Variants in KIAA0586 observed in about 807,000 individuals in gnomAD.
KIAA0586 encodes KIAA0586, also known as protein TALPID3.
A neutral mutation model predicts 169.8 loss-of-function variants in KIAA0586; 144 were observed. The ratio of observed to expected loss-of-function variants is 0.85; its 90% CI spans 0.74 to 0.97. The LOEUF (loss-of-function observed/expected upper bound fraction) is 0.97, where lower values mean the gene tolerates loss of function less well. KIAA0586 is among the 50% of genes least tolerant of loss of function. The pLI, the probability that KIAA0586 is intolerant of heterozygous loss-of-function variation, is 0.00. For synonymous variants in KIAA0586, 625 were observed against 612.4 expected, an observed-to-expected ratio of 1.02 and a Z score of -0.30; for missense variants, 1,854 against 1,823.0, an observed-to-expected ratio of 1.02 and a Z score of -0.31.
At chr14:58,537,710 TG>T (rs2046384172) in intron 29 of KIAA0586, among the ~76,000 whole-genome samples, 1 of 151,998 alleles carries the variant, frequency 6.6e-6, no homozygotes, top group Non-Finnish European at 1.5e-5. Context: ...TGCAGTGGCG[TG>T]ATCTTGGCTC....
intron 14 of KIAA0586, among the ~76,000 whole-genome samples, chr14:58,465,393 A>C (rs1222153245): frequency 6.6e-6 from 1 of 152,234 alleles, no homozygotes; most frequent in Non-Finnish European, 1.5e-5. Context: ...AAAGAATTCA[A>C]ACATTGTTGG....
At chr14:58,484,888 ATT>A (rs1201064638) in intron 21 of KIAA0586, among the ~76,000 whole-genome samples, 19 of 18,472 alleles carry the variant, frequency 1.0e-3, no homozygotes, top group African/African-American at 3.9e-3. Context: ...TTATATATAT[ATT>A]TATATATATA....
chr14:58,543,142 A>AG (rs1162333299), intron 30 of KIAA0586, among the ~76,000 whole-genome samples: 2 of 151,372 alleles, frequency 1.3e-5, no homozygotes, highest in Non-Finnish European at 2.9e-5. Context: ...AAAAAAAAAA[A>AG]AAAAAGAAAA....
In KIAA0586 at chr14:58,428,116, A is replaced by G. The variant is rs182066982; in HGVS notation, c.-149A>G. ...TATAGTCAGCTCTAATCCTGGATTC[A>G]ATATCAGAATTTAGATTTTCAGCTT... On this transcript the variant is annotated 5_prime_UTR_variant, in exon 1 of 31. Transcript: ENST00000652326. 212 of 1,464,774 alleles carry G rather than the reference A, an allele frequency of 1.4e-4. No homozygotes were observed. The East Asian group carries it at 4.5e-3, about 31-fold the overall frequency. The allele number at this position is 1,464,774 out of a possible 1,614,324, so 90.7% of individuals were successfully genotyped here. A position where few individuals can be genotyped will look rare whatever the true frequency, so the allele number is the denominator to read the frequency against.
chr14:58,498,975 AT>A lies in KIAA0586; in HGVS notation c.4168+21del, dbSNP rs1234194756. On this transcript the variant is annotated intron_variant, in intron 27 of 30. Coordinates refer to ENST00000652326, the MANE Select transcript of KIAA0586 (RefSeq NM_001329943.3). ...CACAGTTTCAGGTAGACACCAAAAT[AT>A]TTTTTCTTGATGTGTCATAGTAGTA... 1.3e-6 allele frequency: 2 copies of A among 1,572,590 alleles called. No individual in the cohort carries two copies. The highest frequency in any genetic ancestry group is 8.6e-7 in the Non-Finnish European group (1 of 1,158,358).
At chr14:58,555,099 CTTTTTTTTTTT>C (rs35845234), downstream of KIAA0586, among the ~76,000 whole-genome samples, 1 of 102,560 alleles carries the variant, frequency 9.8e-6, no homozygotes, top group African/African-American at 4.0e-5. Context: ...TTCTTTCTTT[CTTTTTTTTTTT>C]TTTTTTTTTT....
intron 1 of KIAA0586, among the ~76,000 whole-genome samples, chr14:58,428,886 C>A (rs1595053898): frequency 6.6e-6 from 1 of 152,210 alleles, no homozygotes; most frequent in East Asian, 1.9e-4. Context: ...TTCACTTAAT[C>A]TGTCTAGAGC....
At chr14:58,444,254 A>G (rs2038664974) in intron 6 of KIAA0586, 79 bp downstream of exon 6, 1 of 877,540 alleles carries the variant, frequency 1.1e-6, no homozygotes. Context: ...TGATAATTAC[A>G]GTAGCTCATT....
In KIAA0586 at chr14:58,549,244, A is replaced by G. The variant is rs2140163491; in HGVS notation, c.*1312A>G. ...AAGTGGATCTCAGCACTGGCAGCAC[A>G]TTAGAACCTCTGGGAGCTTTAAAAA... On this transcript the variant is annotated 3_prime_UTR_variant, in exon 31 of 31. Coordinates refer to ENST00000652326, the MANE Select transcript of KIAA0586 (RefSeq NM_001329943.3). 6.6e-6 allele frequency: 1 copy of G among 152,148 alleles called. No individual in the cohort carries two copies. Among genetic ancestry groups the G allele is most frequent in the East Asian group, 1.9e-4 (1 of 5,204 alleles). The allele number at this position is 152,148 out of a possible 1,614,324, so 9.4% of individuals were successfully genotyped here.
Position 58,470,732 on chromosome 14 carries a change from C to G in KIAA0586, c.2553+9C>G, listed in dbSNP as rs1405829595. On this transcript the variant is annotated intron_variant, in intron 17 of 30. Transcript: ENST00000652326. ...TGCAAACTTGGATAAAGGTATATTT[C>G]AGAATTTTATCATATTATTTTGAGT... The G allele has an allele frequency of 7.3e-7, 1 of 1,374,496 alleles. No homozygotes were observed. Among genetic ancestry groups the G allele is most frequent in the Admixed American group, 1.7e-5 (1 of 59,286 alleles). The allele number at this position is 1,374,496 out of a possible 1,614,324, so 85.1% of individuals were successfully genotyped here. A position where few individuals can be genotyped will look rare whatever the true frequency, so the allele number is the denominator to read the frequency against.
intron 26 of KIAA0586, among the ~76,000 whole-genome samples, chr14:58,497,382 C>G (rs1178938066): frequency 1.4e-5 from 2 of 147,440 alleles, no homozygotes; most frequent in African/African-American, 2.5e-5. Flanking sequence ...TTTTTTGAGA[C>G]AGAGTATCAC....
chr14:58,442,649 C>A, intron 4 of KIAA0586, 57 bp from the exon 5 acceptor site: 1 of 1,240,336 alleles, frequency 8.1e-7, no homozygotes, highest in Non-Finnish European at 1.1e-6. Context: ...TTAAGTATTT[C>A]TTGAAATGTT....
At chr14:58,493,307 G>A (rs1310393878) in intron 26 of KIAA0586, among the ~76,000 whole-genome samples, 2 of 152,152 alleles carry the variant, frequency 1.3e-5, no homozygotes, top group African/African-American at 2.4e-5. Context: ...GCTTAGAAGT[G>A]CAGACAGAAG....
intron 26 of KIAA0586, among the ~76,000 whole-genome samples, chr14:58,493,298 C>A (rs1178719437): frequency 6.6e-6 from 1 of 152,038 alleles, no homozygotes. Context: ...GAGTTGTTGG[C>A]TTAGAAGTGC....
Position 58,450,720 on chromosome 14 carries a change from A to G in KIAA0586, c.1103A>G (p.Glu368Gly). ...AGGGAAAATCTTTTGGAAGAAAAAG[A>G]AAATATGGAAGTGTCGTGTCACAGA... ...SKRENLLEEK[E>G]NMEVSCHRGN... The change falls in exon 8 of 31, where the codon GAA (glutamate) becomes GGA (glycine). Residue 368 changes from glutamate (E) to glycine (G), a missense_variant. Transcript: ENST00000652326. 6.2e-7 allele frequency: 1 copy of G among 1,606,586 alleles called. No homozygotes were observed. The highest frequency in any genetic ancestry group is 8.5e-7 in the Non-Finnish European group (1 of 1,173,710).
At chr14:58,500,613 A>G (rs1249830329) in intron 27 of KIAA0586, among the ~76,000 whole-genome samples, 1 of 151,904 alleles carries the variant, frequency 6.6e-6, no homozygotes, top group Non-Finnish European at 1.5e-5. Context: ...GCTGAGGCAG[A>G]AGAATTGCTT....
intron 26 of KIAA0586, among the ~76,000 whole-genome samples, chr14:58,496,255 G>C (rs1007161228): frequency 6.6e-6 from 1 of 152,114 alleles, no homozygotes; most frequent in African/African-American, 2.4e-5. Flanking sequence ...CTTAAGCATT[G>C]AGTATAATCC....
In KIAA0586 at chr14:58,484,900, A is replaced by ATTTT. The variant is rs373179400; in HGVS notation, c.3145-2106_3145-2105insTTTT. Among the ~76,000 whole-genome samples, 9 of 9,170 alleles carry ATTTT rather than the reference A, an allele frequency of 9.8e-4. 1 individual carries two copies. The highest frequency in any genetic ancestry group is 8.3e-3 in the East Asian group (2 of 242). The allele number at this position is 9,170 out of a possible 152,430, so 6.0% of individuals were successfully genotyped here. On this transcript the variant is annotated intron_variant, in intron 21 of 30. Transcript: ENST00000652326. ...ATATTATATATATATTTATATATATATATATATATATATATATATATATAT... is the reference window on the plus strand; with the variant it reads ...ATATTATATATATATTTATATATATATTTTTATATATATATATATATATATATAT...
At chr14:58,484,937 T>A (rs1169395022) in intron 21 of KIAA0586, among the ~76,000 whole-genome samples, 1 of 59,958 alleles carries the variant, frequency 1.7e-5, no homozygotes, top group African/African-American at 6.1e-5. Flanking sequence ...TTTTTTTTTT[T>A]TTTTTTTTTT....
Sources: gnomAD v4.1 joint callset for allele counts (sites outside exome capture counted in the v4.1 genomes callset) on GRCh38, gnomAD v4.1.1 for gene constraint, MANE v1.5 for transcripts, NCBI Gene and HGNC (gene_info 2026-07-23, HGNC 2026-07-21) for gene names.